Variants in STAP2 observed in about 807,000 individuals in gnomAD.
STAP2 encodes signal-transducing adaptor protein 2.
STAP2 carries 58 observed loss-of-function variants against 52.7 expected under a neutral mutation model. The observed-to-expected ratio is 1.10, with a 90% CI of 0.89 to 1.37. The LOEUF (loss-of-function observed/expected upper bound fraction) is 1.37. Among genes scored for constraint, STAP2 ranks in the 40% most tolerant of loss-of-function variants. The pLI is 0.00. For missense variants in STAP2, 522 were observed against 519.4 expected (o/e 1.00, Z -0.05); for synonymous variants, 231 against 210.5 (o/e 1.10, Z -0.84).
chr19:4,325,184 A>G (rs1205734612), intron 11 of STAP2, 32 bp downstream of exon 11: 10 of 1,528,822 alleles, frequency 6.5e-6, no homozygotes, highest in Non-Finnish European at 8.9e-6. Context: ...GCCTGCCATC[A>G]GGTGAGGGTG....
intron 9 of STAP2, 56 bp downstream of exon 9, chr19:4,326,886 G>A: frequency 1.3e-6 from 2 of 1,542,126 alleles, no homozygotes; most frequent in South Asian, 2.4e-5. Flanking sequence ...AGGGGGCGTG[G>A]CTGAATGCGG....
At chr19:4,331,059 G>A (rs913787308) in intron 4 of STAP2, among the ~76,000 whole-genome samples, 2 of 152,110 alleles carry the variant, frequency 1.3e-5, no homozygotes, top group Non-Finnish European at 2.9e-5. Flanking sequence ...GCCAGGCATG[G>A]TGGCTCACAT....
chr19:4,329,092 C>T, intron 5 of STAP2: 1 of 394,422 alleles, frequency 2.5e-6, no homozygotes, highest in Non-Finnish European at 4.6e-6. Flanking sequence ...CCTCCGCCTC[C>T]CGGGTTCAAG....
At position 4,324,998 on chromosome 19, in the gene STAP2, G is replaced by A. The variant is rs1035348703; in HGVS notation, c.1072+218C>T. 7 of 533,042 alleles carry A rather than the reference G, an allele frequency of 1.3e-5. No homozygotes were observed. The South Asian group carries it at 1.5e-4, about 11-fold the overall frequency. The allele number at this position is 533,042 out of a possible 1,614,324, so 33.0% of individuals were successfully genotyped here. On this transcript the variant is annotated intron_variant, in intron 11 of 12. Transcript: ENST00000594605. ...AAATACAAAAAAAAAAATTAGCTGG[G>A]CATGGTGGCGGGCACCTGTAGTCCC...
rs201644443 is a variant in STAP2, at chr19:4,325,422, G to T, written c.953C>A (p.Pro318Gln). 8.7e-5 allele frequency: 141 copies of T among 1,614,212 alleles called. 1 individual carries two copies. The Admixed American group carries it at 2.3e-3, about 26-fold the overall frequency. ...ENYVTPIGDGPAVDYENQDVA... is the reference protein window; with the variant it reads ...ENYVTPIGDGQAVDYENQDVA... Reference sequence around the variant, plus strand: ...ATCTTGGTTCTCATAGTCAACAGCTGGGCCATCTCCAATGGGGGTCACGTA... The same window carrying T: ...ATCTTGGTTCTCATAGTCAACAGCTTGGCCATCTCCAATGGGGGTCACGTA... Residue 318 changes from proline to glutamine, a missense_variant, in exon 10 of 13, where the codon CCA (proline) becomes CAA (glutamine). Coordinates refer to ENST00000594605, the MANE Select transcript of STAP2 (RefSeq NM_001013841.2).
At chr19:4,329,780 G>A (rs1293572459) in intron 5 of STAP2, among the ~76,000 whole-genome samples, 181 bp downstream of exon 5, 1 of 151,404 alleles carries the variant, frequency 6.6e-6, no homozygotes, top group Non-Finnish European at 1.5e-5. Context: ...TGGAGATCCT[G>A]CCCTGCCTCC....
Position 4,334,063 on chromosome 19 carries a change from G to T in STAP2, c.103-19C>A, listed in dbSNP as rs763089713. On this transcript the variant is annotated intron_variant, in intron 1 of 12. Coordinates refer to ENST00000594605, the MANE Select transcript of STAP2 (RefSeq NM_001013841.2). ...TGTAATCCTAGGGACCAGAAGTGCA[G>T]AAAGAAGAGGTGAGCTGGCCAAGCT... The T allele has an allele frequency of 2.5e-6, 4 of 1,601,382 alleles. No homozygotes were observed. The highest frequency in any genetic ancestry group is 3.4e-6 in the Non-Finnish European group (4 of 1,175,422).
At chr19:4,325,151 AAG>A in intron 11 of STAP2, 63 bp downstream of exon 11, 1 of 1,269,662 alleles carries the variant, frequency 7.9e-7, no homozygotes, top group Non-Finnish European at 1.1e-6. Context: ...AAAAAAAAAA[AAG>A]TCAGATGAGG....
Position 4,330,053 on chromosome 19 carries a change from G to C in STAP2, c.363C>G (p.Val121=). The C allele has an allele frequency of 2.5e-6, 4 of 1,613,502 alleles. No individual in the cohort carries two copies. Among genetic ancestry groups the C allele is most frequent in the Non-Finnish European group, 3.4e-6 (4 of 1,179,954 alleles). ...GFILTVVELR[V]PTDLTLLPGH... ...CAGGAAGCAGGGTCAAGTCGGTCGG[G>C]ACACGGAGCTGAGGGGCGATCGAGG... is the stretch of plus-strand genomic sequence containing the variant. Residue 121 remains valine (V), a synonymous_variant, in exon 5 of 13, where the codon GTC becomes GTG. Transcript: ENST00000594605.
At chr19:4,328,028 C>G (rs920646378) in intron 6 of STAP2, among the ~76,000 whole-genome samples, 1 of 152,140 alleles carries the variant, frequency 6.6e-6, no homozygotes, top group African/African-American at 2.4e-5. Flanking sequence ...TGGCCCAGAC[C>G]TGGCCCCTGC....
chr19:4,324,996 G>T lies in STAP2; in HGVS notation c.1072+220C>A, dbSNP rs1003423939. 7 of 536,012 alleles carry T rather than the reference G, an allele frequency of 1.3e-5. No homozygotes were observed. In the Admixed American group the frequency reaches 2.2e-4, roughly 17 times the overall value. 33.2% of individuals were successfully genotyped at this position (536,012 alleles called of 1,614,324 possible). On this transcript the variant is annotated intron_variant, in intron 11 of 12. Transcript: ENST00000594605. ...AAAAATACAAAAAAAAAAATTAGCT[G>T]GGCATGGTGGCGGGCACCTGTAGTC...
intron 1 of STAP2, among the ~76,000 whole-genome samples, chr19:4,335,165 C>A (rs111174162): frequency 0.02 from 3,050 of 150,636 alleles, 40 homozygotes; most frequent in Non-Finnish European, 0.031. Context: ...CATCCATCCA[C>A]CTACTCATCC....
chr19:4,331,824 C>T (rs1971895543), intron 4 of STAP2, among the ~76,000 whole-genome samples, 198 bp downstream of exon 4: 1 of 151,830 alleles, frequency 6.6e-6, no homozygotes, highest in Non-Finnish European at 1.5e-5. Flanking sequence ...CCCAGCTACT[C>T]CGGAGGCTGA....
chr19:4,338,560 C>A (rs1972016616), intron 1 of STAP2, 92 bp downstream of exon 1: 3 of 763,964 alleles, frequency 3.9e-6, no homozygotes, highest in Non-Finnish European at 5.8e-6. Flanking sequence ...CCACCCCGCC[C>A]CCCCTTGGCG....
chr19:4,338,666 C>T lies in STAP2; in HGVS notation c.88G>A (p.Gly30Arg). The T allele has an allele frequency of 3.1e-6, 5 of 1,612,734 alleles. No homozygotes were observed. Among genetic ancestry groups the T allele is most frequent in the Non-Finnish European group, 4.2e-6 (5 of 1,179,302 alleles). Residue 30 changes from glycine to arginine, a missense_variant, in exon 1 of 13, where the codon GGG becomes AGG. By Grantham distance (125) the Gly-to-Arg change is moderately radical. Transcript: ENST00000594605. ...HYYESFLEKK[G>R]PCDRDYKKFW... ...CCCCACCTTACCCGGTCACAGGGCC[C>T]CTTCTTCTCTAGAAAGCTCTCATAG...
At chr19:4,338,546 G>GCC in intron 1 of STAP2, 106 bp downstream of exon 1, 1 of 1,005,242 alleles carries the variant, frequency 9.9e-7, no homozygotes, top group Non-Finnish European at 1.5e-6. Flanking sequence ...GCCCCATCCA[G>GCC]CACCCACCCC....
intron 1 of STAP2, among the ~76,000 whole-genome samples, chr19:4,335,333 C>T (rs1326779423): frequency 6.6e-6 from 1 of 151,938 alleles, no homozygotes. Context: ...CTCCATCGTG[C>T]ATCCACCTAT....
intron 5 of STAP2, 50 bp downstream of exon 5, chr19:4,329,910 AC>A: frequency 1.3e-6 from 2 of 1,502,378 alleles, no homozygotes; most frequent in Non-Finnish European, 1.8e-6. Context: ...CAGCCACACA[AC>A]CACCTCCCGT....
In STAP2 at chr19:4,326,945, G is replaced by A. The variant is rs760821330; in HGVS notation, c.826C>T (p.Pro276Ser). The A allele has an allele frequency of 3.2e-6, 5 of 1,551,246 alleles. No homozygotes were observed. In the African/African-American group the frequency reaches 5.5e-5, roughly 17 times the overall value. The change falls in exon 9 of 13, where the codon CCA becomes TCA. Residue 276 changes from proline (P) to serine (S), a missense_variant. Physicochemically the swap from Pro to Ser is moderately conservative, Grantham distance 74. Transcript: ENST00000594605. ...NVWVAPSAPG[P>S]GPAPCTGGPK... ...GCCCGCGGGAAGGGGGCGTCACCTG[G>A]GCCCGGAGCGGAGGGCGCCACCCAC...
Sources: allele counts gnomAD v4.1 joint callset (sites outside exome capture counted in the v4.1 genomes callset), GRCh38; gene constraint gnomAD v4.1.1; transcripts MANE v1.5; gene names NCBI Gene and HGNC (gene_info 2026-07-23, HGNC 2026-07-21).